EFCAB12: variants seen among roughly 807,000 people sequenced by gnomAD.
EFCAB12 encodes EF-hand calcium-binding domain-containing protein 12.
Under a neutral mutation model 53.6 loss-of-function variants are expected in EFCAB12, and 43 were observed. The ratio of observed to expected loss-of-function variants is 0.80; its 90% confidence interval spans 0.63 to 1.03. The LOEUF is 1.03. Among genes scored for constraint, EFCAB12 ranks in the 50% least tolerant of loss-of-function variants. The pLI, the probability that EFCAB12 is intolerant of heterozygous loss-of-function variation, is 0.00. For missense variants in EFCAB12, 646 were observed against 730.6 expected, an observed-to-expected ratio of 0.88 and a Z score of 1.34; for synonymous variants, 269 against 289.2, an observed-to-expected ratio of 0.93 and a Z score of 0.71.
At chr3:129,427,648 A>G (rs916613588) in intron 1 of EFCAB12, among the ~76,000 whole-genome samples, 1 of 152,204 alleles carries the variant, frequency 6.6e-6, no homozygotes, top group African/African-American at 2.4e-5. Flanking sequence ...GAGAAGCGGC[A>G]TGGAGAAGAC....
intron 5 of EFCAB12, among the ~76,000 whole-genome samples, chr3:129,410,861 G>A (rs2072028041): frequency 6.6e-6 from 1 of 152,150 alleles, no homozygotes; most frequent in Admixed American, 6.5e-5. Context: ...CCAGGTGCCT[G>A]GATTCCAGCT....
chr3:129,405,682 C>G (rs2071940676), intron 6 of EFCAB12, among the ~76,000 whole-genome samples: 1 of 152,138 alleles, frequency 6.6e-6, no homozygotes. Flanking sequence ...GAGCTTGAAG[C>G]CTGGAGTCTG....
chr3:129,424,502 G>T (rs2072228052), intron 1 of EFCAB12, among the ~76,000 whole-genome samples: 1 of 152,194 alleles, frequency 6.6e-6, no homozygotes, highest in Non-Finnish European at 1.5e-5. Flanking sequence ...TGCCATGATT[G>T]TAAGTTTCCT....
chr3:129,411,338 C>T lies in EFCAB12; in HGVS notation c.855G>A (p.Lys285=). ...ATAREHYILA[K]HRDSLKGPLK... is the part of the protein sequence containing the mutation. ...GCGGACCCTTCAGGGAATCTCTGTG[C>T]TTGGCCAAGATATAATCTGGAGTCA... Residue 285 remains lysine (K), a synonymous_variant, in exon 5 of 9, where the codon AAG becomes AAA. Coordinates refer to ENST00000505956, the MANE Select transcript of EFCAB12 (RefSeq NM_207307.3). 1 of 1,586,514 alleles carries T rather than the reference C, an allele frequency of 6.3e-7. No individual in the cohort carries two copies.
chr3:129,425,521 C>T (rs1332446006), intron 1 of EFCAB12, among the ~76,000 whole-genome samples: 1 of 152,090 alleles, frequency 6.6e-6, no homozygotes. Context: ...CTGAAGAGCA[C>T]TGCATTCCCC....
chr3:129,416,795 G>A (rs1022535048), intron 3 of EFCAB12, among the ~76,000 whole-genome samples: 7 of 152,126 alleles, frequency 4.6e-5, no homozygotes, highest in African/African-American at 1.7e-4. Flanking sequence ...GACGACAGGT[G>A]TGTACCACCA....
intron 5 of EFCAB12, among the ~76,000 whole-genome samples, 175 bp downstream of exon 5, chr3:129,410,983 A>G (rs896495714): frequency 1.3e-5 from 2 of 152,186 alleles, no homozygotes; most frequent in Non-Finnish European, 2.9e-5. Flanking sequence ...CAAAAACCTC[A>G]GGAGGCAGGT....
In EFCAB12 at chr3:129,411,370, A is replaced by G. The variant is rs774357724; in HGVS notation, c.839-16T>C. 1 of 1,550,900 alleles carries G rather than the reference A, an allele frequency of 6.4e-7. No homozygotes were observed. Among genetic ancestry groups the G allele is most frequent in the Non-Finnish European group, 8.7e-7 (1 of 1,145,052 alleles). ...AAGATATAATCTGGAGTCAGAGGGA[A>G]GAGATGAAGGAAGGAGGGACTAAGA... On this transcript the variant is annotated splice_polypyrimidine_tract_variant and intron_variant, in intron 4 of 8. Coordinates refer to ENST00000505956, the MANE Select transcript of EFCAB12 (RefSeq NM_207307.3).
chr3:129,401,329 G>T lies in EFCAB12; in HGVS notation c.*264C>A. On this transcript the variant is annotated 3_prime_UTR_variant, in exon 9 of 9. Coordinates refer to ENST00000505956, the MANE Select transcript of EFCAB12 (RefSeq NM_207307.3). The stretch of plus-strand genomic sequence containing the variant: ...ATCAGCTGGGTCACAGGTGAAATGA[G>T]AAAAACTCCAACCTGCTTTATGTAG... 2.6e-6 allele frequency: 1 copy of T among 387,958 alleles called. No individual in the cohort carries two copies. Among genetic ancestry groups the T allele is most frequent in the Non-Finnish European group, 4.5e-6 (1 of 220,652 alleles). The allele number at this position is 387,958 out of a possible 1,614,324, so 24.0% of individuals were successfully genotyped here. A position where few individuals can be genotyped will look rare whatever the true frequency, so the allele number is the denominator to read the frequency against.
At chr3:129,409,167 C>T (rs960113043) in intron 5 of EFCAB12, among the ~76,000 whole-genome samples, 5 of 152,202 alleles carry the variant, frequency 3.3e-5, no homozygotes, top group Non-Finnish European at 5.9e-5. Context: ...AGGACATTCG[C>T]GGGGCCACAA....
At chr3:129,407,200 C>A (rs1224743160) in intron 6 of EFCAB12, among the ~76,000 whole-genome samples, 1 of 152,216 alleles carries the variant, frequency 6.6e-6, no homozygotes, top group Non-Finnish European at 1.5e-5. Flanking sequence ...CAGCCATCTG[C>A]CAGCCAAGGA....
intron 7 of EFCAB12, 176 bp downstream of exon 7, chr3:129,404,074 G>C: frequency 2.7e-6 from 2 of 742,980 alleles, no homozygotes; most frequent in Non-Finnish European, 4.2e-6. Context: ...CATGCGCCAA[G>C]GGTGACCCGG....
intron 7 of EFCAB12, chr3:129,402,866 G>C: frequency 2.6e-6 from 1 of 381,216 alleles, no homozygotes; most frequent in South Asian, 2.8e-5. Context: ...CCAGAATAGA[G>C]ACCTCTCAGG....
intron 2 of EFCAB12, among the ~76,000 whole-genome samples, chr3:129,420,533 AG>A (rs971898513): frequency 3.9e-5 from 6 of 152,322 alleles, no homozygotes; most frequent in Admixed American, 6.5e-5. Context: ...CATTTGTAAA[AG>A]GGGGATCCTC....
At chr3:129,417,990 G>T (rs554624667) in intron 3 of EFCAB12, among the ~76,000 whole-genome samples, 1 of 152,318 alleles carries the variant, frequency 6.6e-6, no homozygotes, top group Admixed American at 6.5e-5. Flanking sequence ...TGGTTATGAG[G>T]TGGACTCCAC....
At chr3:129,409,198 C>G (rs1467256222) in intron 5 of EFCAB12, among the ~76,000 whole-genome samples, 2 of 152,238 alleles carry the variant, frequency 1.3e-5, no homozygotes, top group Non-Finnish European at 2.9e-5. Context: ...ACCTGTCATC[C>G]CAGCACTTCG....
At chr3:129,415,816 C>T (rs1490531276) in intron 3 of EFCAB12, among the ~76,000 whole-genome samples, 2 of 152,182 alleles carry the variant, frequency 1.3e-5, no homozygotes, top group Non-Finnish European at 2.9e-5. Flanking sequence ...ACATAAATCT[C>T]CCTTAATTCC....
intron 1 of EFCAB12, among the ~76,000 whole-genome samples, chr3:129,426,961 C>A (rs139936099): frequency 0.013 from 2,016 of 150,786 alleles, 17 homozygotes; most frequent in Non-Finnish European, 0.02. Flanking sequence ...CATTCTCCTG[C>A]CTCAGCCTCC....
chr3:129,419,793 T>C (rs542117567), intron 2 of EFCAB12, among the ~76,000 whole-genome samples: 2 of 152,338 alleles, frequency 1.3e-5, no homozygotes, highest in South Asian at 4.1e-4. Context: ...CATCATGTCT[T>C]CTGTGACAGC....
Sources: allele counts gnomAD v4.1 joint callset (sites outside exome capture counted in the v4.1 genomes callset), GRCh38; gene constraint gnomAD v4.1.1; transcripts MANE v1.5; gene names NCBI Gene and HGNC (gene_info 2026-07-23, HGNC 2026-07-21).